COL9A1: variants seen among roughly 807,000 people sequenced by gnomAD.
COL9A1 encodes the protein collagen alpha-1(IX) chain.
A neutral mutation model predicts 142.6 loss-of-function variants in COL9A1; 104 were observed. The ratio of observed to expected loss-of-function variants is 0.73; its 90% CI spans 0.62 to 0.86. The LOEUF is 0.86. Ranked by LOEUF, COL9A1 falls within the 40% of genes least tolerant of loss-of-function variation. The pLI, the probability that COL9A1 is intolerant of heterozygous loss-of-function variation, is 0.00. For synonymous variants in COL9A1, 466 were observed against 396.0 expected, an observed-to-expected ratio of 1.18 and a Z score of -2.10; for missense variants, 1,210 against 1,176.6, an observed-to-expected ratio of 1.03 and a Z score of -0.42.
At chr6:70,243,782 C>G (rs973462571) in intron 28 of COL9A1, among the ~76,000 whole-genome samples, 2 of 152,204 alleles carry the variant, frequency 1.3e-5, no homozygotes, top group African/African-American at 2.4e-5. Flanking sequence ...CCCGCCTTGG[C>G]CTCCCAACGT....
intron 24 of COL9A1, 99 bp from the exon 25 acceptor site, chr6:70,254,628 C>T (rs1002085505): frequency 8.4e-5 from 95 of 1,135,770 alleles, no homozygotes; most frequent in Non-Finnish European, 1.2e-4. Flanking sequence ...AAAGGATTGT[C>T]CCAACAGCTG....
In COL9A1 at chr6:70,234,336, A is replaced by G. The variant is rs966721480; in HGVS notation, c.2314+203T>C. Among the ~76,000 whole-genome samples the G allele has an allele frequency of 3.2e-4, 48 of 151,970 alleles. 1 individual carries two copies. Among genetic ancestry groups the G allele is most frequent in the African/African-American group, 1.1e-3 (47 of 41,422 alleles). On this transcript the variant is annotated intron_variant, in intron 35 of 37. Coordinates refer to ENST00000357250, the MANE Select transcript of COL9A1 (RefSeq NM_001851.6). ...AAGGCAGGATAACCAGAAAAGTAAT[A>G]TTTTACATTGAGGCTACGGGCTGTA...
chr6:70,294,708 G>A (rs1773789472), intron 4 of COL9A1, 145 bp from the exon 5 acceptor site: 2 of 737,278 alleles, frequency 2.7e-6, no homozygotes, highest in South Asian at 1.7e-5. Flanking sequence ...GTTCTTTCAT[G>A]ACTGTTCATA....
chr6:70,280,324 TG>T, intron 10 of COL9A1: 1 of 1,201,186 alleles, frequency 8.3e-7, no homozygotes. Context: ...TCACATTCCT[TG>T]GGATTTAGGA....
chr6:70,255,704 T>C (rs1771240049), intron 21 of COL9A1, among the ~76,000 whole-genome samples: 1 of 152,218 alleles, frequency 6.6e-6, no homozygotes, highest in Non-Finnish European at 1.5e-5. Context: ...CATGTACATA[T>C]CAGCTAACTT....
At chr6:70,293,639 A>G (rs1288753782) in intron 5 of COL9A1, among the ~76,000 whole-genome samples, 3 of 111,782 alleles carry the variant, frequency 2.7e-5, no homozygotes, top group Non-Finnish European at 5.9e-5. Flanking sequence ...TTTCACACAC[A>G]CACACACACA....
At chr6:70,277,450 ACCT>A (rs1172532714) in intron 10 of COL9A1, among the ~76,000 whole-genome samples, 1 of 152,158 alleles carries the variant, frequency 6.6e-6, no homozygotes, top group Non-Finnish European at 1.5e-5. Context: ...TTGCAGTAAG[ACCT>A]CCTAATTCTT....
intron 21 of COL9A1, among the ~76,000 whole-genome samples, chr6:70,255,631 C>T (rs1333513838): frequency 6.6e-6 from 1 of 152,134 alleles, no homozygotes; most frequent in African/African-American, 2.4e-5. Context: ...ATGCACTATG[C>T]CTCTGTGTTC....
chr6:70,241,917 A>G, intron 30 of COL9A1, 47 bp downstream of exon 30: 1 of 1,497,072 alleles, frequency 6.7e-7, no homozygotes, highest in Non-Finnish European at 9.1e-7. Context: ...ACATGGTAGA[A>G]ATCACCCTTC....
chr6:70,294,790 C>T (rs1048523820), intron 4 of COL9A1, among the ~76,000 whole-genome samples: 1 of 152,016 alleles, frequency 6.6e-6, no homozygotes, highest in Non-Finnish European at 1.5e-5. Flanking sequence ...TTAAAAACAC[C>T]CTCCCTCATG....
intron 10 of COL9A1, chr6:70,280,599 C>A: frequency 3.8e-6 from 5 of 1,317,190 alleles, no homozygotes; most frequent in Non-Finnish European, 5.0e-6. Context: ...AATGCCAACG[C>A]CTCCTAGAGA....
chr6:70,285,688 GA>G (rs1332015149), intron 5 of COL9A1, among the ~76,000 whole-genome samples: 1 of 152,100 alleles, frequency 6.6e-6, no homozygotes, highest in Non-Finnish European at 1.5e-5. Flanking sequence ...TAATTTGCAA[GA>G]CAAGAAAAAT....
At position 70,254,948 on chromosome 6, in the gene COL9A1, A is replaced by G; in HGVS notation, c.1665+15T>C. ...GACAGCCCCACTCACTCTTGGAGTA[A>G]ATTACACAGCCTACCTTTGTTCCAG... On this transcript the variant is annotated intron_variant, in intron 24 of 37. Coordinates refer to ENST00000357250, the MANE Select transcript of COL9A1 (RefSeq NM_001851.6). 6 of 1,613,870 alleles carry G rather than the reference A, an allele frequency of 3.7e-6. No individual in the cohort carries two copies. Among genetic ancestry groups the G allele is most frequent in the Non-Finnish European group, 5.1e-6 (6 of 1,179,772 alleles).
Position 70,249,447 on chromosome 6 carries a change from G to GCTA in COL9A1, c.1872+2672_1872+2673insTAG, listed in dbSNP as rs540570485. On this transcript the variant is annotated intron_variant, in intron 28 of 37. Transcript: ENST00000357250. ...CAGCAATATCCTTTTGGGAGACACTGGTAGAGAAAGGAAAGACTGCAGCCG... is the reference window on the plus strand; with the variant it reads ...CAGCAATATCCTTTTGGGAGACACTGCTAGTAGAGAAAGGAAAGACTGCAGCCG... Among the ~76,000 whole-genome samples the GCTA allele has an allele frequency of 5.4e-3, 819 of 152,210 alleles. 4 individuals carry two copies. The highest frequency in any genetic ancestry group is 9.2e-3 in the Non-Finnish European group (624 of 68,006).
At chr6:70,289,217 AG>A (rs2127602512) in intron 5 of COL9A1, among the ~76,000 whole-genome samples, 2 of 152,280 alleles carry the variant, frequency 1.3e-5, no homozygotes, top group South Asian at 4.1e-4. Flanking sequence ...AACCAAGCAG[AG>A]ATTAACATGA....
chr6:70,262,795 T>A (rs980952241), intron 19 of COL9A1, among the ~76,000 whole-genome samples: 3 of 152,212 alleles, frequency 2.0e-5, no homozygotes, highest in Non-Finnish European at 2.9e-5. Flanking sequence ...AGACATGATA[T>A]GAGCAATTAA....
intron 28 of COL9A1, among the ~76,000 whole-genome samples, chr6:70,244,467 A>G (rs1178173593): frequency 6.6e-6 from 1 of 152,206 alleles, no homozygotes; most frequent in Non-Finnish European, 1.5e-5. Flanking sequence ...CTCTGTTGGC[A>G]TTTTGAAATA....
At position 70,283,786 on chromosome 6, in the gene COL9A1, G is replaced by T; in HGVS notation, c.731C>A (p.Pro244His). ...GCAAGTTTCTCTCCTGGGCCGCAGG[G>T]GGTCACAATGGATCAGCATCCATTG... ...ELQWMLIHCDPLRPRRETCHE... is the reference protein window; with the variant it reads ...ELQWMLIHCDHLRPRRETCHE... Residue 244 changes from proline to histidine, a missense_variant, in exon 6 of 38, where the codon CCC becomes CAC. Transcript: ENST00000357250. 1 of 1,611,110 alleles carries T rather than the reference G, an allele frequency of 6.2e-7. No homozygotes were observed. The highest frequency in any genetic ancestry group is 1.3e-5 in the African/African-American group (1 of 74,942).
rs1887762 is a variant in COL9A1 at position 70,272,412 on chromosome 6, C to T, written c.1066-324G>A. Among the ~76,000 whole-genome samples, 3,595 of 152,126 alleles carry T rather than the reference C, an allele frequency of 0.024. 126 individuals are homozygous for T. The highest frequency in any genetic ancestry group is 0.07 in the African/African-American group (2,894 of 41,462). ...CCATAACTCACAAAGAGGTGCATCA[C>T]AACTGGAGAGTTTACAGATTTTATT... On this transcript the variant is annotated intron_variant, in intron 12 of 37. Coordinates refer to ENST00000357250, the MANE Select transcript of COL9A1 (RefSeq NM_001851.6).
Sources: allele counts gnomAD v4.1 joint callset (sites outside exome capture counted in the v4.1 genomes callset), GRCh38; gene constraint gnomAD v4.1.1; transcripts MANE v1.5; gene names NCBI Gene and HGNC (gene_info 2026-07-23, HGNC 2026-07-21).